The following HSPA12A variants were observed in gnomAD, a reference collection of about 807,000 sequenced individuals.
HSPA12A encodes the protein heat shock 70 kDa protein 12A.
Under a neutral mutation model 69.2 loss-of-function variants are expected in HSPA12A, and 28 were observed. The observed-to-expected ratio is 0.40, with a 90% CI of 0.30 to 0.55. The LOEUF (loss-of-function observed/expected upper bound fraction) is 0.55, where lower values mean the gene tolerates loss of function less well. Ranked by LOEUF, HSPA12A falls within the 20% of genes least tolerant of loss-of-function variation. HSPA12A has a pLI of 0.38. For missense variants in HSPA12A, 686 were observed against 900.7 expected (o/e 0.76, Z 3.05); for synonymous variants, 345 against 370.5 (o/e 0.93, Z 0.79).
intron 1 of HSPA12A, among the ~76,000 whole-genome samples, chr10:116,843,893 T>C (rs1845841155): frequency 6.6e-6 from 1 of 152,232 alleles, no homozygotes; most frequent in Non-Finnish European, 1.5e-5. Flanking sequence ...GTGCTTAATT[T>C]CTAATGGTGC....
chr10:116,679,956 CTT>C (rs554206193), intron 9 of HSPA12A, among the ~76,000 whole-genome samples, 195 bp from the exon 10 acceptor site: 197 of 152,286 alleles, frequency 1.3e-3, no homozygotes, highest in Non-Finnish European at 2.1e-3. Flanking sequence ...ACAGAAATCT[CTT>C]GTCAACAATC....
intron 2 of HSPA12A, among the ~76,000 whole-genome samples, chr10:116,783,102 T>A (rs782255827): frequency 2.0e-5 from 3 of 152,288 alleles, no homozygotes; most frequent in Non-Finnish European, 4.4e-5. Context: ...ACCAATCACG[T>A]CCAGCGCACA....
intron 7 of HSPA12A, among the ~76,000 whole-genome samples, chr10:116,682,464 G>C (rs967366791): frequency 4.0e-5 from 6 of 151,002 alleles, no homozygotes; most frequent in Non-Finnish European, 5.9e-5. Flanking sequence ...CTGGGGGGGG[G>C]GGCCATTTCC....
At chr10:116,676,619 G>C (rs1238542732) in intron 10 of HSPA12A, 117 bp from the exon 11 acceptor site, 2 of 815,646 alleles carry the variant, frequency 2.5e-6, no homozygotes, top group South Asian at 3.4e-5. Context: ...GGCAGAAAGG[G>C]GGTTGAAAGC....
chr10:116,849,771 T>G (rs1846006158), upstream of HSPA12A: 1 of 1,461,244 alleles, frequency 6.8e-7, no homozygotes, highest in African/African-American at 1.4e-5. Flanking sequence ...CGCCAACCCC[T>G]CTCCCCCCGC....
intron 1 of HSPA12A, among the ~76,000 whole-genome samples, chr10:116,736,993 AT>A (rs1851337314): frequency 6.6e-6 from 1 of 152,180 alleles, no homozygotes; most frequent in Non-Finnish European, 1.5e-5. Flanking sequence ...GCTCATATTA[AT>A]TCAATGTCTA....
chr10:116,695,846 AAC>A (rs1564783075), intron 5 of HSPA12A, among the ~76,000 whole-genome samples: 76 of 150,940 alleles, frequency 5.0e-4, no homozygotes, highest in African/African-American at 1.8e-3. Context: ...AAAAAGAAAA[AAC>A]AAAAATTAGC....
Position 116,771,277 on chromosome 10 carries a change from C to T in HSPA12A, c.91+63658G>A, listed in dbSNP as rs556412645. On this transcript the variant is annotated intron_variant, in intron 2 of 12. Coordinates refer to the HSPA12A transcript ENST00000635765. ...TCACAGGCGAGATAAAACAAGGACA[C>T]TCGCTGGGAGCTGGGGCCATCAGCA... Among the ~76,000 whole-genome samples the T allele has an allele frequency of 1.6e-4, 25 of 152,336 alleles. No individual in the cohort carries two copies. The East Asian group carries it at 4.3e-3, about 26-fold the overall frequency.
intron 1 of HSPA12A, among the ~76,000 whole-genome samples, chr10:116,711,808 C>T (rs1029108426): frequency 6.6e-6 from 1 of 151,520 alleles, no homozygotes; most frequent in African/African-American, 2.4e-5. Context: ...GGACTACAGG[C>T]GCCTGCCAAC....
At position 116,675,362 on chromosome 10, in the gene HSPA12A, C is replaced by T. The variant is rs1849204460; in HGVS notation, c.1447G>A (p.Gly483Ser). 2.5e-6 allele frequency: 4 copies of T among 1,611,212 alleles called. No individual in the cohort carries two copies. Among genetic ancestry groups the T allele is most frequent in the East Asian group, 2.2e-5 (1 of 44,784 alleles). Residue 483 changes from glycine to serine, a missense_variant, in exon 12 of 12, where the codon GGC (glycine) becomes AGC (serine). By Grantham distance (56) the Gly-to-Ser change is moderately conservative (BLOSUM62 0). Coordinates refer to ENST00000369209, the MANE Select transcript of HSPA12A (RefSeq NM_025015.3). This position sits in a 1 kb window ranked among gnomAD's most constrained non-coding sequence, Gnocchi z 5.2. ...TGCAGCAGGGGCGCCTCGGCAAAGC[C>T]GCCCACCAGAAAGAGGAACTTGACG... is the stretch of plus-strand genomic sequence containing the variant. ...STVKFLFLVG[G>S]FAEAPLLQQA...
At chr10:116,813,140 C>T (rs984155151) in intron 2 of HSPA12A, among the ~76,000 whole-genome samples, 3 of 152,002 alleles carry the variant, frequency 2.0e-5, no homozygotes, top group Admixed American at 2.0e-4. Context: ...AAGGCTACAA[C>T]CTTTGGACGG....
intron 2 of HSPA12A, among the ~76,000 whole-genome samples, chr10:116,753,068 C>T (rs1564808595): frequency 6.6e-6 from 1 of 152,244 alleles, no homozygotes; most frequent in Non-Finnish European, 1.5e-5. Flanking sequence ...GCCTTCCCTA[C>T]TCAGCTGGCC....
At chr10:116,754,256 C>G (rs1843777730) in intron 2 of HSPA12A, among the ~76,000 whole-genome samples, 1 of 152,160 alleles carries the variant, frequency 6.6e-6, no homozygotes, top group South Asian at 2.1e-4. Context: ...ACTGTCTTGA[C>G]CCATCCCCCC....
intron 2 of HSPA12A, among the ~76,000 whole-genome samples, chr10:116,790,322 C>T (rs1844676892): frequency 1.3e-5 from 2 of 152,046 alleles, no homozygotes; most frequent in African/African-American, 4.8e-5. Flanking sequence ...CCAGGATGGT[C>T]TCTATCTCCT....
At chr10:116,714,597 T>C (rs1222652298) in intron 1 of HSPA12A, among the ~76,000 whole-genome samples, 4 of 152,200 alleles carry the variant, frequency 2.6e-5, no homozygotes, top group African/African-American at 9.6e-5. Flanking sequence ...TGACTGCAGA[T>C]ACAGAGAAAG....
chr10:116,727,681 C>T (rs1381125330), intron 1 of HSPA12A, among the ~76,000 whole-genome samples: 2 of 151,008 alleles, frequency 1.3e-5, no homozygotes, highest in African/African-American at 4.9e-5. Flanking sequence ...CAATAAACTA[C>T]ATGAGATACT....
chr10:116,786,540 C>CA, intron 2 of HSPA12A, among the ~76,000 whole-genome samples: 1 of 152,180 alleles, frequency 6.6e-6, no homozygotes. Flanking sequence ...TGTTCGTTCT[C>CA]ATTTATAATT....
At chr10:116,741,554 G>T (rs1206432012) in intron 1 of HSPA12A, among the ~76,000 whole-genome samples, 2 of 152,210 alleles carry the variant, frequency 1.3e-5, no homozygotes, top group East Asian at 3.9e-4. Context: ...CCCCACTTGG[G>T]ACCCACAGGA....
intron 6 of HSPA12A, among the ~76,000 whole-genome samples, chr10:116,685,156 G>C (rs1440880484): frequency 6.6e-6 from 1 of 152,122 alleles, no homozygotes; most frequent in Non-Finnish European, 1.5e-5. Context: ...TGGGAGGAAG[G>C]CCTCAAGTTC....
Sources: allele counts gnomAD v4.1 joint callset (sites outside exome capture counted in the v4.1 genomes callset), GRCh38; gene constraint gnomAD v4.1.1; non-coding constraint Gnocchi (gnomAD v3.1); transcripts MANE v1.5; gene names NCBI Gene and HGNC (gene_info 2026-07-23, HGNC 2026-07-21).